ABCA12: variants seen among roughly 807,000 people sequenced by gnomAD.
The protein encoded by ABCA12 is ATP binding cassette subfamily A member 12, also known as glucosylceramide transporter ABCA12.
A neutral mutation model predicts 293.5 loss-of-function variants in ABCA12; 156 were observed. That is an observed-to-expected ratio of 0.53 (90% CI 0.47 to 0.61). ABCA12 has a LOEUF of 0.61. Among genes scored for constraint, ABCA12 ranks in the 20% least tolerant of loss-of-function variants. The probability of loss-of-function intolerance (pLI) is 0.00; values close to 1 mark genes in which losing one functional copy is unlikely to be tolerated. For synonymous variants in ABCA12, 1,063 were observed against 1,108.0 expected, an observed-to-expected ratio of 0.96 and a Z score of 0.81; for missense variants, 2,797 against 3,090.2, an observed-to-expected ratio of 0.91 and a Z score of 2.25.
chr2:214,944,342 G>A lies in ABCA12; in HGVS notation c.7343+659C>T, dbSNP rs544399282. Among the ~76,000 whole-genome samples, 145 of 152,144 alleles carry A rather than the reference G, an allele frequency of 9.5e-4. No homozygotes were observed. In the Middle Eastern group the frequency reaches 0.017, roughly 18 times the overall value. On this transcript the variant is annotated intron_variant, in intron 49 of 52. Coordinates refer to ENST00000272895, the MANE Select transcript of ABCA12 (RefSeq NM_173076.3). The stretch of plus-strand genomic sequence containing the variant: ...CAGGAGAATTGCTTGAACCCGGGAG[G>A]TGGAGGTTGCAGTGAGCAGATGTTG...
chr2:214,944,282 G>A (rs1698504510), intron 49 of ABCA12, among the ~76,000 whole-genome samples: 1 of 151,880 alleles, frequency 6.6e-6, no homozygotes, highest in Non-Finnish European at 1.5e-5. Context: ...CATGGTAGTG[G>A]GCACCAGTAG....
At chr2:215,109,281 C>T (rs936586759) in intron 2 of ABCA12, among the ~76,000 whole-genome samples, 88 of 152,182 alleles carry the variant, frequency 5.8e-4, no homozygotes, top group African/African-American at 2.0e-3. Context: ...GGGTAAGATG[C>T]GGTAAATCTC....
chr2:215,029,380 G>A (rs1700823579), intron 9 of ABCA12: 1 of 152,130 alleles, frequency 6.6e-6, no homozygotes, highest in African/African-American at 2.4e-5. Context: ...TCCTGCTTCA[G>A]TAAGGTGGTT....
Position 214,958,389 on chromosome 2 carries a change from G to C in ABCA12, c.6005C>G (p.Ala2002Gly). 6.2e-7 allele frequency: 1 copy of C among 1,613,988 alleles called. No homozygotes were observed. Among genetic ancestry groups the C allele is most frequent in the Non-Finnish European group, 8.5e-7 (1 of 1,179,920 alleles). ...CCTTACAACATAGGTGACAAAGCTG[G>C]CGGTGGTGACAGAGTAGCCCATCAA... Reference protein sequence around the residue: ...SILMGYSVTTASFVTYVVREH... With the variant: ...SILMGYSVTTGSFVTYVVREH... Residue 2002 changes from alanine to glycine, a missense_variant, in exon 41 of 53, where the codon GCC (alanine) becomes GGC (glycine). Ala to Gly is a moderately conservative substitution (Grantham distance 60). Coordinates refer to ENST00000272895, the MANE Select transcript of ABCA12 (RefSeq NM_173076.3).
intron 8 of ABCA12, chr2:215,032,249 C>A: frequency 1.9e-5 from 8 of 411,862 alleles, no homozygotes; most frequent in Admixed American, 5.1e-5. Flanking sequence ...ATTTGTTAAT[C>A]AAATGAAGCC....
At chr2:215,016,515 G>A (rs576678878) in intron 14 of ABCA12, among the ~76,000 whole-genome samples, 11 of 135,980 alleles carry the variant, frequency 8.1e-5, no homozygotes, top group East Asian at 7.1e-4. Flanking sequence ...CCCGGGAGGC[G>A]GAGCTTGCAG....
Position 214,950,362 on chromosome 2 carries a change from A to G in ABCA12, c.6852+517T>C, listed in dbSNP as rs1449783354. Among the ~76,000 whole-genome samples the G allele has an allele frequency of 4.8e-5, 5 of 104,314 alleles. No individual in the cohort carries two copies. In the East Asian group the frequency reaches 7.8e-4, roughly 16 times the overall value. 68.4% of individuals were successfully genotyped at this position (104,314 alleles called of 152,430 possible). A position where few individuals can be genotyped will look rare whatever the true frequency, so the allele number is the denominator to read the frequency against. ...TGTGTATATGTGTGTGTATATATATATATGTGTGTGTATATATATATCTGT... is the reference window on the plus strand; with the variant it reads ...TGTGTATATGTGTGTGTATATATATGTATGTGTGTGTATATATATATCTGT... On this transcript the variant is annotated intron_variant, in intron 45 of 52. Coordinates refer to ENST00000272895, the MANE Select transcript of ABCA12 (RefSeq NM_173076.3).
chr2:215,081,397 G>A (rs1701933660), intron 2 of ABCA12, among the ~76,000 whole-genome samples: 1 of 145,674 alleles, frequency 6.9e-6, no homozygotes, highest in Non-Finnish European at 1.5e-5. Flanking sequence ...AGAATTGCTT[G>A]AATTCTGGGG....
chr2:214,941,927 C>T (rs897221310), intron 50 of ABCA12, among the ~76,000 whole-genome samples: 1 of 152,010 alleles, frequency 6.6e-6, no homozygotes, highest in Non-Finnish European at 1.5e-5. Context: ...CAGTCTGTGT[C>T]TTTTAACTGG....
Position 214,989,401 on chromosome 2 carries a change from G to A in ABCA12, c.3757C>T (p.Leu1253=). 2 of 1,613,578 alleles carry A rather than the reference G, an allele frequency of 1.2e-6. No individual in the cohort carries two copies. Among genetic ancestry groups the A allele is most frequent in the Non-Finnish European group, 1.7e-6 (2 of 1,179,868 alleles). ...VQDDTTSFGW[L]CCLILADSFI... is the part of the protein sequence containing the mutation. ...GAGTCAGCTAGGATTAGACAGCACA[G>A]CCAGCCAAATGAGGTGGTGTCATCC... Residue 1253 remains leucine, a synonymous_variant, in exon 26 of 53, where the codon CTG becomes TTG. Transcript: ENST00000272895.
At chr2:214,950,382 ATCTGTGTGTGTGTG>A (rs755626332) in intron 45 of ABCA12, among the ~76,000 whole-genome samples, 1,397 of 122,898 alleles carry the variant, frequency 0.011, 30 homozygotes, top group African/African-American at 0.042. Flanking sequence ...GTATATATAT[ATCTGTGTGTGTGTG>A]TGTGTGTGTG....
At chr2:214,970,140 G>T (rs1283988770) in intron 37 of ABCA12, 133 bp downstream of exon 37, 10 of 873,156 alleles carry the variant, frequency 1.1e-5, no homozygotes, top group Non-Finnish European at 1.5e-5. Flanking sequence ...AATATATAAG[G>T]CTGTTTAAAT....
chr2:215,003,040 A>G (rs1034363144), intron 20 of ABCA12, among the ~76,000 whole-genome samples: 7 of 152,170 alleles, frequency 4.6e-5, no homozygotes, highest in African/African-American at 7.2e-5. Flanking sequence ...CCTTTATTTA[A>G]TCAAGCTGGG....
intron 40 of ABCA12, among the ~76,000 whole-genome samples, chr2:214,958,761 T>C (rs1699029126): frequency 6.6e-6 from 1 of 152,170 alleles, no homozygotes; most frequent in African/African-American, 2.4e-5. Flanking sequence ...TTAATTGCTA[T>C]GCAGGGAAGT....
intron 43 of ABCA12, 80 bp from the exon 44 acceptor site, chr2:214,954,187 G>T: frequency 1.4e-6 from 2 of 1,441,960 alleles, no homozygotes; most frequent in Non-Finnish European, 1.9e-6. Context: ...GATGGATGTA[G>T]ACAAATAGTG....
rs909746288 is a variant in ABCA12 at position 215,001,455 on chromosome 2, AC to A, written c.2863+102del. The A allele has an allele frequency of 1.8e-5, 25 of 1,409,636 alleles. No individual in the cohort carries two copies. The African/African-American group carries it at 3.3e-4, about 18-fold the overall frequency. 87.3% of individuals were successfully genotyped at this position (1,409,636 alleles called of 1,614,324 possible). A position where few individuals can be genotyped will look rare whatever the true frequency, so the allele number is the denominator to read the frequency against. On this transcript the variant is annotated intron_variant, in intron 21 of 52. Transcript: ENST00000272895. The stretch of plus-strand genomic sequence containing the variant: ...TCTAAGGACATCAGAGGACCTAAGG[AC>A]CCCCACACTAGTTTTCTGAGTTCTG...
At chr2:215,137,357 G>A (rs886399573) in intron 1 of ABCA12, among the ~76,000 whole-genome samples, 2 of 152,140 alleles carry the variant, frequency 1.3e-5, no homozygotes, top group African/African-American at 4.8e-5. Context: ...AAAGTATATT[G>A]AATACCTTTT....
At chr2:215,077,422 G>T (rs1009132817) in intron 2 of ABCA12, among the ~76,000 whole-genome samples, 2 of 152,052 alleles carry the variant, frequency 1.3e-5, no homozygotes, top group Admixed American at 1.3e-4. Context: ...TGTCAATTTT[G>T]TGGGTAACTC....
intron 37 of ABCA12, among the ~76,000 whole-genome samples, chr2:214,969,759 G>A (rs1699345200): frequency 1.3e-5 from 2 of 151,968 alleles, no homozygotes; most frequent in Admixed American, 1.3e-4. Flanking sequence ...GAGAAACAAA[G>A]GAGGGAAGAG....
Sources: allele counts gnomAD v4.1 joint callset (sites outside exome capture counted in the v4.1 genomes callset), GRCh38; gene constraint gnomAD v4.1.1; transcripts MANE v1.5; gene names NCBI Gene and HGNC (gene_info 2026-07-23, HGNC 2026-07-21).